The following TTC7B variants were observed in gnomAD, a reference collection of about 807,000 sequenced individuals.
TTC7B encodes the protein tetratricopeptide repeat domain 7B.
In TTC7B, 28 loss-of-function variants were observed where a neutral mutation model predicts 106.8. The ratio of observed to expected loss-of-function variants is 0.26; its 90% CI spans 0.19 to 0.36. The LOEUF (loss-of-function observed/expected upper bound fraction) is 0.36, where lower values mean the gene tolerates loss of function less well. Among genes scored for constraint, TTC7B ranks in the 10% least tolerant of loss-of-function variants. The pLI, the probability that TTC7B is intolerant of heterozygous loss-of-function variation, is 1.00. For missense variants in TTC7B, 862 were observed against 1,076.4 expected, an observed-to-expected ratio of 0.80 and a Z score of 2.79; for synonymous variants, 405 against 430.6, an observed-to-expected ratio of 0.94 and a Z score of 0.74.
chr14:90,736,148 AGC>A (rs1491233293), intron 4 of TTC7B, among the ~76,000 whole-genome samples: 41 of 150,086 alleles, frequency 2.7e-4, no homozygotes, highest in African/African-American at 1.0e-3. Context: ...ATTAATTTAG[AGC>A]TATATATATA....
At chr14:90,548,980 T>C (rs1889956294) in intron 19 of TTC7B, among the ~76,000 whole-genome samples, 2 of 151,922 alleles carry the variant, frequency 1.3e-5, no homozygotes, top group South Asian at 4.1e-4. Context: ...TACAAAAAAT[T>C]AGCTGGGCGT....
chr14:90,594,296 C>T (rs1404712118), intron 17 of TTC7B, among the ~76,000 whole-genome samples: 3 of 152,112 alleles, frequency 2.0e-5, no homozygotes, highest in African/African-American at 7.2e-5. Flanking sequence ...TATGCACCTG[C>T]CTAATTATTC....
intron 4 of TTC7B, among the ~76,000 whole-genome samples, chr14:90,739,127 G>C (rs1889660979): frequency 6.6e-6 from 1 of 152,214 alleles, no homozygotes; most frequent in Non-Finnish European, 1.5e-5. Flanking sequence ...TCACTGCGTT[G>C]TAACCTCCTA....
At chr14:90,787,993 T>C (rs916058658) in intron 1 of TTC7B, among the ~76,000 whole-genome samples, 7 of 152,102 alleles carry the variant, frequency 4.6e-5, no homozygotes, top group Non-Finnish European at 1.0e-4. Context: ...TGAAACCCGG[T>C]ATCTACTAAA....
intron 9 of TTC7B, among the ~76,000 whole-genome samples, chr14:90,665,778 T>G (rs1359668271): frequency 1.3e-5 from 2 of 152,258 alleles, no homozygotes; most frequent in Non-Finnish European, 2.9e-5. Context: ...AAAGTTCTTA[T>G]GACATAGATC....
At chr14:90,628,693 T>C (rs1456653290) in intron 15 of TTC7B, among the ~76,000 whole-genome samples, 1 of 152,200 alleles carries the variant, frequency 6.6e-6, no homozygotes, top group Non-Finnish European at 1.5e-5. Flanking sequence ...CAGAGGTGGA[T>C]GATGTGTCTC....
rs922651255 is a variant in TTC7B at position 90,657,155 on chromosome 14, G to A, written c.1341+19C>T. 1.9e-6 allele frequency: 3 copies of A among 1,602,930 alleles called. No individual in the cohort carries two copies. Among genetic ancestry groups the A allele is most frequent in the East Asian group, 2.2e-5 (1 of 44,800 alleles). On this transcript the variant is annotated intron_variant, in intron 11 of 19. Transcript: ENST00000328459. This position sits in a 1 kb window ranked among gnomAD's most constrained non-coding sequence, Gnocchi z 4.2. ...CCAGAGTCCTCTGCAGGAGCGGGGA[G>A]GGGGGCGCCCCTACTCACCCAGTGC...
chr14:90,627,342 C>T (rs900749805), intron 15 of TTC7B, among the ~76,000 whole-genome samples: 1 of 152,132 alleles, frequency 6.6e-6, no homozygotes, highest in East Asian at 1.9e-4. Flanking sequence ...GCACACAAGG[C>T]TGGCACATCC....
intron 3 of TTC7B, among the ~76,000 whole-genome samples, chr14:90,760,064 A>C (rs1331880739): frequency 6.6e-6 from 1 of 152,276 alleles, no homozygotes; most frequent in East Asian, 1.9e-4. Flanking sequence ...ATGCCAAATT[A>C]GATGGTACTA....
Position 90,756,544 on chromosome 14 carries a change from C to T in TTC7B, c.446-11622G>A, listed in dbSNP as rs200057934. Among the ~76,000 whole-genome samples, 9 of 152,030 alleles carry T rather than the reference C, an allele frequency of 5.9e-5. No homozygotes were observed. The East Asian group carries it at 1.7e-3, about 29-fold the overall frequency. On this transcript the variant is annotated intron_variant, in intron 3 of 19. Transcript: ENST00000328459. ...GAGTAGCTGGGACTACAGGCGTGCGCCACCACACCCAGCTAATTTTTTGTA... is the reference window on the plus strand; with the variant it reads ...GAGTAGCTGGGACTACAGGCGTGCGTCACCACACCCAGCTAATTTTTTGTA...
chr14:90,707,655 G>A (rs1320881209), intron 5 of TTC7B, among the ~76,000 whole-genome samples: 1 of 152,146 alleles, frequency 6.6e-6, no homozygotes, highest in Non-Finnish European at 1.5e-5. Flanking sequence ...TGCTGATAGG[G>A]AAAAAGTCTG....
Position 90,624,952 on chromosome 14 carries a change from T to A in TTC7B, c.1752-6907A>T, listed in dbSNP as rs143142655. The stretch of plus-strand genomic sequence containing the variant: ...TGCAAAATGGCTGTGCAGAAAAGCA[T>A]GCGGGATCTGCCCAAGCGGGGCAGC... On this transcript the variant is annotated intron_variant, in intron 15 of 19. Coordinates refer to ENST00000328459, the MANE Select transcript of TTC7B (RefSeq NM_001010854.2). This position sits in a 1 kb window ranked among gnomAD's most constrained non-coding sequence, Gnocchi z 4.0. Among the ~76,000 whole-genome samples, 1 of 152,180 alleles carries A rather than the reference T, an allele frequency of 6.6e-6. No individual in the cohort carries two copies. The highest frequency in any genetic ancestry group is 1.5e-5 in the Non-Finnish European group (1 of 68,028).
chr14:90,565,789 T>A (rs1890770774), intron 19 of TTC7B, among the ~76,000 whole-genome samples: 1 of 152,106 alleles, frequency 6.6e-6, no homozygotes, highest in African/African-American at 2.4e-5. Flanking sequence ...TTATTAATGA[T>A]CCTCATTTCA....
rs1885618273 is a variant in TTC7B at position 90,649,405 on chromosome 14, G to C, written c.1518-2382C>G. Among the ~76,000 whole-genome samples, 4 of 152,242 alleles carry C rather than the reference G, an allele frequency of 2.6e-5. No individual in the cohort carries two copies. The South Asian group carries it at 8.3e-4, about 32-fold the overall frequency. ...AACTTCAGCAGCTAAGCTTCCTGTG[G>C]GAAAGCCCCTTTGGTATGCCACAGG... On this transcript the variant is annotated intron_variant, in intron 13 of 19. Transcript: ENST00000328459.
At chr14:90,630,400 T>C (rs1884641917) in intron 15 of TTC7B, among the ~76,000 whole-genome samples, 1 of 152,316 alleles carries the variant, frequency 6.6e-6, no homozygotes, top group South Asian at 2.1e-4. Context: ...GGGTCCCTTG[T>C]CATCTACGAA....
Position 90,657,171 on chromosome 14 carries a change from C to T in TTC7B, c.1341+3G>A, listed in dbSNP as rs1595252364. On this transcript the variant is annotated splice_donor_region_variant and intron_variant, in intron 11 of 19. Coordinates refer to ENST00000328459, the MANE Select transcript of TTC7B (RefSeq NM_001010854.2). This position sits in a 1 kb window ranked among gnomAD's most constrained non-coding sequence, Gnocchi z 4.2. The stretch of plus-strand genomic sequence containing the variant: ...GAGCGGGGAGGGGGGCGCCCCTACT[C>T]ACCCAGTGCAGGGAGCCCATGCAGA... 2.5e-6 allele frequency: 4 copies of T among 1,613,280 alleles called. No individual in the cohort carries two copies. The East Asian group carries it at 8.9e-5, about 36-fold the overall frequency.
At chr14:90,700,136 C>A (rs1007809806) in intron 5 of TTC7B, among the ~76,000 whole-genome samples, 8 of 152,078 alleles carry the variant, frequency 5.3e-5, no homozygotes, top group African/African-American at 1.2e-4. Flanking sequence ...GCCTAGTATG[C>A]CCTCGGGGGC....
chr14:90,701,521 C>T (rs978456761), intron 5 of TTC7B, among the ~76,000 whole-genome samples: 2 of 151,978 alleles, frequency 1.3e-5, no homozygotes, highest in Admixed American at 6.6e-5. Context: ...ACTGCTCTGA[C>T]AGCCCAGCCA....
chr14:90,608,866 G>A lies in TTC7B; in HGVS notation c.1966+1876C>T, dbSNP rs1892762398. Among the ~76,000 whole-genome samples, 1 of 152,194 alleles carries A rather than the reference G, an allele frequency of 6.6e-6. No individual in the cohort carries two copies. Among genetic ancestry groups the A allele is most frequent in the East Asian group, 1.9e-4 (1 of 5,202 alleles). ...GACCTCCAGGGAAATTAAGGTCCAG[G>A]CCAGCTGGAAGGAAAGGGGGTCTGA... On this transcript the variant is annotated intron_variant, in intron 17 of 19. Transcript: ENST00000328459. The surrounding 1 kb of genome is among the most constrained non-coding windows in gnomAD (Gnocchi z 5.1).
Sources: allele counts gnomAD v4.1 joint callset (sites outside exome capture counted in the v4.1 genomes callset), GRCh38; gene constraint gnomAD v4.1.1; non-coding constraint Gnocchi (gnomAD v3.1); transcripts MANE v1.5; gene names NCBI Gene and HGNC (gene_info 2026-07-23, HGNC 2026-07-21).